The following FBXO34 variants were observed in gnomAD, a reference collection of about 807,000 sequenced individuals.
The protein encoded by FBXO34 is F-box only protein 34.
FBXO34 carries 12 observed loss-of-function variants against 24.5 expected under a neutral mutation model. The observed-to-expected ratio is 0.49, with a 90% CI of 0.31 to 0.79. FBXO34 has a LOEUF of 0.79. Among genes scored for constraint, FBXO34 ranks in the 30% least tolerant of loss-of-function variants. FBXO34 has a pLI of 0.04. For synonymous variants in FBXO34, 320 were observed against 311.9 expected, an observed-to-expected ratio of 1.03 and a Z score of -0.27; for missense variants, 823 against 857.7, an observed-to-expected ratio of 0.96 and a Z score of 0.51.
chr14:55,361,490 C>T (rs1285157460), intron 3 of FBXO34, among the ~76,000 whole-genome samples: 1 of 152,190 alleles, frequency 6.6e-6, no homozygotes, highest in Non-Finnish European at 1.5e-5. Context: ...TGAACACTGG[C>T]TTCAACTGAA....
chr14:55,314,826 A>G (rs1487553231), intron 1 of FBXO34, among the ~76,000 whole-genome samples: 1 of 152,244 alleles, frequency 6.6e-6, no homozygotes, highest in Non-Finnish European at 1.5e-5. Flanking sequence ...TTTAGTTGAT[A>G]GCTGTTTAAG....
the FBXO34 span, chr14:55,435,960 CTT>C: frequency 7.9e-6 from 10 of 1,270,260 alleles, no homozygotes; most frequent in Non-Finnish European, 1.1e-5. Context: ...AGTTTAGAAA[CTT>C]ATATCAGATA....
chr14:55,331,683 A>ATGTG (rs1228528990), intron 1 of FBXO34, among the ~76,000 whole-genome samples: 2 of 58,978 alleles, frequency 3.4e-5, no homozygotes, highest in African/African-American at 2.8e-4. Flanking sequence ...ATATATATAT[A>ATGTG]TGTGTATATA....
the FBXO34 span, among the ~76,000 whole-genome samples, chr14:55,441,560 G>A: frequency 1.3e-5 from 2 of 152,084 alleles, no homozygotes; most frequent in Non-Finnish European, 1.5e-5. Context: ...CAAATCCCAC[G>A]TGGTTTTTCT....
chr14:55,357,009 T>C (rs114669681), downstream of FBXO34, among the ~76,000 whole-genome samples: 2 of 152,292 alleles, frequency 1.3e-5, no homozygotes, highest in African/African-American at 4.8e-5. Context: ...AAAGCTAGTG[T>C]TGCAATCTTT....
intron 1 of FBXO34, among the ~76,000 whole-genome samples, chr14:55,276,337 C>A (rs1555334307): frequency 6.6e-6 from 1 of 152,196 alleles, no homozygotes; most frequent in Non-Finnish European, 1.5e-5. Flanking sequence ...CCCACCACCC[C>A]TATATTGTTA....
chr14:55,421,940 A>G, the FBXO34 span, among the ~76,000 whole-genome samples: 1 of 152,236 alleles, frequency 6.6e-6, no homozygotes, highest in African/African-American at 2.4e-5. Flanking sequence ...AGATGAGGCA[A>G]GATTTTATAA....
At chr14:55,282,721 T>G (rs1304282759) in intron 1 of FBXO34, 1 of 152,244 alleles carries the variant, frequency 6.6e-6, no homozygotes, top group African/African-American at 2.4e-5. Context: ...ACTTAGACAC[T>G]TTTTAGCAGA....
downstream of FBXO34, chr14:55,369,903 C>T: frequency 6.2e-7 from 1 of 1,611,820 alleles, no homozygotes; most frequent in Non-Finnish European, 8.5e-7. Context: ...TCAAGGTCTG[C>T]TCGTACTTCA....
downstream of FBXO34, among the ~76,000 whole-genome samples, chr14:55,373,042 C>T (rs1884853217): frequency 6.6e-6 from 1 of 152,092 alleles, no homozygotes; most frequent in Admixed American, 6.5e-5. Flanking sequence ...CCACCCAGTG[C>T]CTCTCCCACT....
chr14:55,335,414 A>G (rs970748027), intron 1 of FBXO34: 5 of 152,174 alleles, frequency 3.3e-5, no homozygotes, highest in African/African-American at 9.7e-5. Context: ...TTCCTGGGCA[A>G]TGGGAAACAT....
chr14:55,348,287 A>C (rs1039433036), intron 1 of FBXO34, among the ~76,000 whole-genome samples: 2 of 152,098 alleles, frequency 1.3e-5, no homozygotes, highest in Non-Finnish European at 2.9e-5. Context: ...AGAGTATAGC[A>C]GTGTGATCAT....
chr14:55,312,552 C>G (rs768470344), intron 1 of FBXO34, among the ~76,000 whole-genome samples: 1 of 152,226 alleles, frequency 6.6e-6, no homozygotes, highest in Non-Finnish European at 1.5e-5. Context: ...CATGAGGGCT[C>G]CACCCTGCAG....
intron 1 of FBXO34, among the ~76,000 whole-genome samples, chr14:55,343,593 T>A (rs1386973861): frequency 5.3e-5 from 8 of 152,212 alleles, no homozygotes; most frequent in South Asian, 2.1e-4. Context: ...CTTATGCTAA[T>A]AAGTGACTCC....
chr14:55,440,375 G>C, the FBXO34 span: 1 of 1,612,852 alleles, frequency 6.2e-7, no homozygotes, highest in South Asian at 1.1e-5. Flanking sequence ...CCTGACTCTG[G>C]GACAGTGGCG....
rs969484717 is a variant in FBXO34 at position 55,305,351 on chromosome 14, G to A, written c.-11+33814G>A. ...AATCACTTGAACCCGGGAGGTGGGGGTTGCAGTGAGCCAAGATTGCACCAC... is the reference window on the plus strand; with the variant it reads ...AATCACTTGAACCCGGGAGGTGGGGATTGCAGTGAGCCAAGATTGCACCAC... On this transcript the variant is annotated intron_variant, in intron 1 of 1. Coordinates refer to ENST00000313833, the MANE Select transcript of FBXO34 (RefSeq NM_017943.4). 4.0e-5 allele frequency among the ~76,000 whole-genome samples: 6 copies of A among 151,608 alleles called. No homozygotes were observed. In the East Asian group the frequency reaches 1.2e-3, roughly 29 times the overall value.
intron 1 of FBXO34, among the ~76,000 whole-genome samples, chr14:55,310,605 G>T (rs1594743579): frequency 1.3e-5 from 2 of 152,262 alleles, no homozygotes; most frequent in East Asian, 3.8e-4. Flanking sequence ...TTAGATTAGG[G>T]TTTCTTCATG....
intron 1 of FBXO34, among the ~76,000 whole-genome samples, chr14:55,273,697 AT>A (rs1441511707): frequency 6.6e-6 from 1 of 152,222 alleles, no homozygotes; most frequent in Non-Finnish European, 1.5e-5. Flanking sequence ...GCAAGATACT[AT>A]GTAATGCAAT....
chr14:55,401,836 T>C, the FBXO34 span, among the ~76,000 whole-genome samples: 18 of 152,288 alleles, frequency 1.2e-4, no homozygotes, highest in African/African-American at 4.1e-4. Flanking sequence ...AGCTGAGACC[T>C]GAGGGTGAGC....
Sources: gnomAD v4.1 joint callset for allele counts (sites outside exome capture counted in the v4.1 genomes callset) on GRCh38, gnomAD v4.1.1 for gene constraint, MANE v1.5 for transcripts, NCBI Gene and HGNC (gene_info 2026-07-23, HGNC 2026-07-21) for gene names.